DMKN: variants seen among roughly 807,000 people sequenced by gnomAD.
DMKN encodes epidermis-specific secreted protein SK30/SK89.
In DMKN, 58 loss-of-function variants were observed where a neutral mutation model predicts 67.6. That is an observed-to-expected ratio of 0.86 (90% CI 0.69 to 1.07). The LOEUF is 1.07. DMKN is among the 50% of genes least tolerant of loss of function. The pLI is 0.00. For missense variants in DMKN, 596 were observed against 601.5 expected (o/e 0.99, Z 0.10); for synonymous variants, 240 against 232.3 (o/e 1.03, Z -0.30).
intron 7 of DMKN, chr19:35,507,313 C>T (rs961099658): frequency 1.3e-5 from 9 of 669,290 alleles, no homozygotes; most frequent in Non-Finnish European, 1.8e-5. Context: ...ATCCCAGAAC[C>T]CTGTTTTGGT....
At chr19:35,499,022 C>G in intron 13 of DMKN, 125 bp from the exon 14 acceptor site, 1 of 1,379,968 alleles carries the variant, frequency 7.2e-7, no homozygotes, top group Non-Finnish European at 1.0e-6. Context: ...CCAAGGTTTT[C>G]CAGTCTGACT....
chr19:35,512,493 G>A lies in DMKN; in HGVS notation c.628-16C>T. 1 of 1,614,176 alleles carries A rather than the reference G, an allele frequency of 6.2e-7. No homozygotes were observed. Among genetic ancestry groups the A allele is most frequent in the South Asian group, 1.1e-5 (1 of 91,052 alleles). ...CCACAGCTCCCTGCAGAGAGGGTGA[G>A]ACTGAGAGTAGGATCCAGAGGGACC... is the stretch of plus-strand genomic sequence containing the variant. On this transcript the variant is annotated splice_polypyrimidine_tract_variant and intron_variant, in intron 2 of 15. Coordinates refer to ENST00000339686, the MANE Select transcript of DMKN (RefSeq NM_033317.5).
At chr19:35,506,309 A>G in intron 7 of DMKN, 1 of 974,784 alleles carries the variant, frequency 1.0e-6, no homozygotes, top group Non-Finnish European at 1.5e-6. Context: ...TCCTCTCTAT[A>G]AAGCTGCCTT....
rs1286606875 is a variant in DMKN, at chr19:35,513,149, A to G, written c.327T>C (p.Thr109=). The G allele has an allele frequency of 1.2e-6, 2 of 1,614,136 alleles. No individual in the cohort carries two copies. Among genetic ancestry groups the G allele is most frequent in the Non-Finnish European group, 1.7e-6 (2 of 1,180,034 alleles). Residue 109 remains threonine, a synonymous_variant, in exon 1 of 16, where the codon ACT becomes ACC. Coordinates refer to ENST00000339686, the MANE Select transcript of DMKN (RefSeq NM_033317.5). The part of the protein sequence containing the change: ...VGEAAHALGN[T]GHEIGRQAED... Reference sequence around the variant, plus strand: ...CTGCCTGTCTGCCAATCTCGTGCCCAGTGTTTCCCAGAGCATGGGCTGCTT... The same window carrying G: ...CTGCCTGTCTGCCAATCTCGTGCCCGGTGTTTCCCAGAGCATGGGCTGCTT...
In DMKN at chr19:35,512,575, T is replaced by C; in HGVS notation, c.627+15A>G. ...GGAGGGAGGTGGCAGGTAGCAGGTCTGGGGGTGACTTTACCTGAGTGTTGG... is the reference window on the plus strand; with the variant it reads ...GGAGGGAGGTGGCAGGTAGCAGGTCCGGGGGTGACTTTACCTGAGTGTTGG... On this transcript the variant is annotated intron_variant, in intron 2 of 15. Coordinates refer to ENST00000339686, the MANE Select transcript of DMKN (RefSeq NM_033317.5). The C allele has an allele frequency of 6.2e-7, 1 of 1,614,114 alleles. No homozygotes were observed. The highest frequency in any genetic ancestry group is 8.5e-7 in the Non-Finnish European group (1 of 1,179,994).
intron 15 of DMKN, chr19:35,497,895 T>C (rs971636487): frequency 1.3e-5 from 2 of 152,550 alleles, no homozygotes; most frequent in Middle Eastern, 3.4e-3. Context: ...CCGAGGGTCC[T>C]AGGTCATTTT....
chr19:35,497,648 T>C (rs1236269893), intron 15 of DMKN, 110 bp from the exon 16 acceptor site: 1 of 152,422 alleles, frequency 6.6e-6, no homozygotes, highest in East Asian at 1.9e-4. Flanking sequence ...CTGTCCTACC[T>C]GTTCGCCTGT....
Position 35,505,297 on chromosome 19 carries a change from T to G in DMKN, c.1134+421A>C, listed in dbSNP as rs868376642. Among the ~76,000 whole-genome samples, 14 of 152,268 alleles carry G rather than the reference T, an allele frequency of 9.2e-5. No homozygotes were observed. The Middle Eastern group carries it at 0.014, about 148-fold the overall frequency. ...TGTTTGTGCGGGAGAGACTAATGCC[T>G]GTCACCCCTGAGGCTCTCGGCCAGT... is the stretch of plus-strand genomic sequence containing the variant. On this transcript the variant is annotated intron_variant, in intron 9 of 15. Transcript: ENST00000339686.
At chr19:35,499,052 A>G in intron 13 of DMKN, 155 bp from the exon 14 acceptor site, 1 of 1,078,060 alleles carries the variant, frequency 9.3e-7, no homozygotes, top group Non-Finnish European at 1.3e-6. Context: ...CAGGCTGTGG[A>G]GTTGGTTTCA....
At chr19:35,503,949 A>G (rs1211306695) in intron 9 of DMKN, among the ~76,000 whole-genome samples, 1 of 152,118 alleles carries the variant, frequency 6.6e-6, no homozygotes, top group Non-Finnish European at 1.5e-5. Context: ...CTGCATCGTC[A>G]GGAACATTAC....
chr19:35,511,728 G>C (rs769562652), intron 4 of DMKN, 35 bp downstream of exon 4: 36 of 1,604,356 alleles, frequency 2.2e-5, no homozygotes, highest in Non-Finnish European at 2.9e-5. Flanking sequence ...ATTTCCTCCT[G>C]GTGCACAACT....
At chr19:35,500,365 G>A in intron 12 of DMKN, 168 bp downstream of exon 12, 1 of 1,551,654 alleles carries the variant, frequency 6.4e-7, no homozygotes, top group Non-Finnish European at 8.7e-7. Context: ...CGGGTCCATG[G>A]TAGATGTCTC....
At chr19:35,509,152 T>C (rs1600019823) in intron 7 of DMKN, among the ~76,000 whole-genome samples, 1 of 151,708 alleles carries the variant, frequency 6.6e-6, no homozygotes, top group South Asian at 2.1e-4. Flanking sequence ...ACCCAGGAGG[T>C]GGAGTTTCCA....
rs1340534525 is a variant in DMKN, at chr19:35,513,092, G to A, written c.384C>T (p.Val128=). 9 of 1,613,916 alleles carry A rather than the reference G, an allele frequency of 5.6e-6. No homozygotes were observed. The Admixed American group carries it at 1.0e-4, about 18-fold the overall frequency. The part of the protein sequence containing the change: ...EDVIRHGADA[V]RGSWQGVPGH... ...CAGGCACCCCCTGCCAGGAGCCGCG[G>A]ACAGCATCTGCTCCGTGTCGAATGA... The change falls in exon 1 of 16, where the codon GTC becomes GTT. Residue 128 remains valine, a synonymous_variant. Coordinates refer to ENST00000339686, the MANE Select transcript of DMKN (RefSeq NM_033317.5).
chr19:35,499,878 G>C, intron 13 of DMKN, 80 bp downstream of exon 13: 4 of 1,514,516 alleles, frequency 2.6e-6, no homozygotes, highest in East Asian at 4.5e-5. Context: ...CCAACCGAGA[G>C]GACCCCGGCA....
chr19:35,502,012 G>A, intron 11 of DMKN, 124 bp downstream of exon 11: 3 of 1,576,332 alleles, frequency 1.9e-6, no homozygotes, highest in Non-Finnish European at 2.6e-6. Context: ...CCCCCACTCG[G>A]GATTGCACAA....
intron 7 of DMKN, chr19:35,506,219 CTT>C: frequency 6.8e-7 from 1 of 1,469,586 alleles, no homozygotes; most frequent in Non-Finnish European, 9.0e-7. Context: ...ATGTCCAAGG[CTT>C]ATGCTTCCTA....
intron 6 of DMKN, 96 bp downstream of exon 6, chr19:35,510,088 T>C: frequency 1.3e-6 from 2 of 1,567,256 alleles, no homozygotes; most frequent in East Asian, 2.3e-5. Flanking sequence ...TCCAGCCCCA[T>C]CTCCGCGGAG....
chr19:35,504,661 G>T (rs1482971187), intron 9 of DMKN, among the ~76,000 whole-genome samples: 1 of 152,038 alleles, frequency 6.6e-6, no homozygotes, highest in Non-Finnish European at 1.5e-5. Context: ...CTGTAGCTGG[G>T]TGGGAACATC....
Sources: gnomAD v4.1 joint callset for allele counts (sites outside exome capture counted in the v4.1 genomes callset) on GRCh38, gnomAD v4.1.1 for gene constraint, MANE v1.5 for transcripts, NCBI Gene and HGNC (gene_info 2026-07-23, HGNC 2026-07-21) for gene names.